The following OR6A2 variants were observed in gnomAD, a reference collection of about 807,000 sequenced individuals.
OR6A2 encodes the protein olfactory receptor family 6 subfamily A member 2.
A neutral mutation model predicts 7.1 loss-of-function variants in OR6A2; 6 were observed. The observed-to-expected ratio is 0.85, with a 90% CI of 0.46 to 1.68. The LOEUF (loss-of-function observed/expected upper bound fraction) is 1.68. OR6A2 is among the 40% of genes most tolerant of loss of function. The probability of loss-of-function intolerance (pLI) is 0.01; values close to 1 mark genes in which losing one functional copy is unlikely to be tolerated. For synonymous variants in OR6A2, 162 were observed against 152.1 expected, an observed-to-expected ratio of 1.06 and a Z score of -0.48; for missense variants, 431 against 398.0, an observed-to-expected ratio of 1.08 and a Z score of -0.71.
chr11:6,798,289 T>C (rs1847767426), intron 1 of OR6A2, among the ~76,000 whole-genome samples: 1 of 152,182 alleles, frequency 6.6e-6, no homozygotes, highest in East Asian at 1.9e-4. Flanking sequence ...GGAAGTTTCC[T>C]AGATATTCTG....
rs1157893893 is a variant in OR6A2 at position 6,795,863 on chromosome 11, T to G, written c.-155A>C. The G allele has an allele frequency of 4.8e-6, 3 of 626,674 alleles. No individual in the cohort carries two copies. Among genetic ancestry groups the G allele is most frequent in the Non-Finnish European group, 8.4e-6 (3 of 355,790 alleles). 38.8% of individuals were successfully genotyped at this position (626,674 alleles called of 1,614,324 possible). A position where few individuals can be genotyped will look rare whatever the true frequency, so the allele number is the denominator to read the frequency against. On this transcript the variant is annotated 5_prime_UTR_variant, in exon 2 of 2. Coordinates refer to ENST00000641196, the MANE Select transcript of OR6A2 (RefSeq NM_003696.3). Reference sequence around the variant, plus strand: ...AATCACTGAGCTGAGGCCACTGCTCTCTTCTTTAATCTGGAAATGAGCTAA... The same window carrying G: ...AATCACTGAGCTGAGGCCACTGCTCGCTTCTTTAATCTGGAAATGAGCTAA...
At chr11:6,796,481 GA>G (rs1847750415) in intron 1 of OR6A2, among the ~76,000 whole-genome samples, 1 of 152,140 alleles carries the variant, frequency 6.6e-6, no homozygotes, top group Non-Finnish European at 1.5e-5. Flanking sequence ...CAGGAGGAAA[GA>G]AAGACAAAAG....
rs1382751386 is a variant in OR6A2, at chr11:6,793,217, T to C, written c.*1508A>G. On this transcript the variant is annotated 3_prime_UTR_variant, in exon 2 of 2. Coordinates refer to ENST00000641196, the MANE Select transcript of OR6A2 (RefSeq NM_003696.3). ...TTATTACAACAAGATACTTATACTG[T>C]TTAGGCACAAATAGATATGCACATT... 1 of 152,186 alleles carries C rather than the reference T, an allele frequency of 6.6e-6. No individual in the cohort carries two copies. Among genetic ancestry groups the C allele is most frequent in the Non-Finnish European group, 1.5e-5 (1 of 68,024 alleles). The allele number at this position is 152,186 out of a possible 1,614,324, so 9.4% of individuals were successfully genotyped here.
At position 6,791,917 on chromosome 11, in the gene OR6A2, T is replaced by C. The variant is rs924684522; in HGVS notation, c.*2808A>G. The stretch of plus-strand genomic sequence containing the variant: ...TACTTGTCAAAATAAGAAACCAAAA[T>C]TGATACATCACTGTTAAACTATTCA... On this transcript the variant is annotated 3_prime_UTR_variant, in exon 2 of 2. Transcript: ENST00000641196. 6.6e-6 allele frequency: 1 copy of C among 152,212 alleles called. No homozygotes were observed. Among genetic ancestry groups the C allele is most frequent in the African/African-American group, 2.4e-5 (1 of 41,464 alleles). The allele number at this position is 152,212 out of a possible 1,614,324, so 9.4% of individuals were successfully genotyped here.
intron 1 of OR6A2, among the ~76,000 whole-genome samples, 170 bp downstream of exon 1, chr11:6,799,374 A>T (rs1037479611): frequency 6.6e-6 from 1 of 152,222 alleles, no homozygotes; most frequent in African/African-American, 2.4e-5. Flanking sequence ...AAAGAAAGTG[A>T]TATTAGTCTA....
Position 6,795,231 on chromosome 11 carries a change from T to C in OR6A2, c.478A>G (p.Ile160Val), listed in dbSNP as rs762084268. Residue 160 changes from isoleucine to valine, a missense_variant, in exon 2 of 2, where the codon ATC (isoleucine) becomes GTC (valine). Physicochemically the swap from Ile to Val is conservative, Grantham distance 29 (BLOSUM62 3). Transcript: ENST00000641196. ...ATAAGAAAAACTTTGACCATGGAGA[T>C]GCCAAAACCTCCAGCCCAAGAGCCA... The part of the protein sequence containing the change: ...AAGSWAGGFG[I>V]SMVKVFLISG... 8 of 1,613,984 alleles carry C rather than the reference T, an allele frequency of 5.0e-6. No homozygotes were observed. In the East Asian group the frequency reaches 8.9e-5, roughly 18 times the overall value.
At position 6,795,077 on chromosome 11, in the gene OR6A2, A is replaced by G. The variant is rs773397531; in HGVS notation, c.632T>C (p.Ile211Thr). ...AGTGACAGAGAGTGGCCCTAGAAGA[A>G]TAAAAATGGCCAGGATGAAATCTGT... is the stretch of plus-strand genomic sequence containing the variant. ...ELTDFILAIF[I>T]LLGPLSVTGA... Residue 211 changes from isoleucine to threonine, a missense_variant, in exon 2 of 2, where the codon ATT becomes ACT. By Grantham distance (89) the Ile-to-Thr change is moderately conservative (BLOSUM62 -1). Transcript: ENST00000641196. The G allele has an allele frequency of 1.4e-4, 225 of 1,614,036 alleles. No individual in the cohort carries two copies. Among genetic ancestry groups the G allele is most frequent in the Non-Finnish European group, 1.9e-4 (220 of 1,180,016 alleles).
In OR6A2 at chr11:6,794,673, A is replaced by C; in HGVS notation, c.*52T>G. The C allele has an allele frequency of 1.9e-6, 3 of 1,581,462 alleles. No homozygotes were observed. In the East Asian group the frequency reaches 6.7e-5, roughly 35 times the overall value. On this transcript the variant is annotated 3_prime_UTR_variant, in exon 2 of 2. Coordinates refer to ENST00000641196, the MANE Select transcript of OR6A2 (RefSeq NM_003696.3). ...CTAAGAACTCCACTGGACTTCATAG[A>C]ACACATTGATCCCAAGTTTAATAGC...
intron 1 of OR6A2, among the ~76,000 whole-genome samples, chr11:6,796,907 G>A (rs560359673): frequency 6.6e-6 from 1 of 152,240 alleles, no homozygotes; most frequent in South Asian, 2.1e-4. Flanking sequence ...GTTTAGAAAG[G>A]AGAATGGGGT....
intron 1 of OR6A2, 24 bp from the exon 2 acceptor site, chr11:6,795,908 A>T: frequency 3.8e-6 from 2 of 520,720 alleles, no homozygotes; most frequent in African/African-American, 1.9e-5. Flanking sequence ...ACAAAAATAA[A>T]TGTTTTTTTT....
chr11:6,794,299 G>C lies in OR6A2; in HGVS notation c.*426C>G, dbSNP rs918387034. ...CCTAGAAACCATTATGTTTTGATAG[G>C]TGATATGTTCCCAAAACAAAAATTC... On this transcript the variant is annotated 3_prime_UTR_variant, in exon 2 of 2. Transcript: ENST00000641196. The C allele has an allele frequency of 3.6e-5, 6 of 166,642 alleles. No individual in the cohort carries two copies. The highest frequency in any genetic ancestry group is 3.3e-4 in the Admixed American group (6 of 18,142). The allele number at this position is 166,642 out of a possible 1,614,324, so 10.3% of individuals were successfully genotyped here. A position where few individuals can be genotyped will look rare whatever the true frequency, so the allele number is the denominator to read the frequency against.
At position 6,795,538 on chromosome 11, in the gene OR6A2, G is replaced by A. The variant is rs937687873; in HGVS notation, c.171C>T (p.His57=). 8.1e-6 allele frequency: 13 copies of A among 1,613,994 alleles called. No homozygotes were observed. The Admixed American group carries it at 1.2e-4, about 14-fold the overall frequency. The change falls in exon 2 of 2, where the codon CAC becomes CAT. Residue 57 remains histidine (H), a synonymous_variant. Transcript: ENST00000641196. ...IMAIRNHSTL[H]KPMYFFLANM... The stretch of plus-strand genomic sequence containing the variant: ...TAGCTAGAAAAAAGTACATGGGTTT[G>A]TGGAGGGTAGAATGGTTCCTAATTG...
chr11:6,795,545 G>C lies in OR6A2; in HGVS notation c.164C>G (p.Thr55Ser). ...LIIMAIRNHS[T>S]LHKPMYFFLA... ...AAAAAAGTACATGGGTTTGTGGAGG[G>C]TAGAATGGTTCCTAATTGCCATAAT... The change falls in exon 2 of 2, where the codon ACC becomes AGC. Residue 55 changes from threonine (T) to serine (S), a missense_variant. Transcript: ENST00000641196. 3 of 1,614,056 alleles carry C rather than the reference G, an allele frequency of 1.9e-6. No individual in the cohort carries two copies. The highest frequency in any genetic ancestry group is 2.5e-6 in the Non-Finnish European group (3 of 1,179,986).
At position 6,795,029 on chromosome 11, in the gene OR6A2, G is replaced by C. The variant is rs1013635603; in HGVS notation, c.680C>G (p.Thr227Ser). Reference protein sequence around the residue: ...SVTGASYVAITGAVMHIPSAA... With the variant: ...SVTGASYVAISGAVMHIPSAA... ...CGAAGGAATGTGCATCACAGCACCA[G>C]TAATGGCCACATAGGAGGCCCCAGT... is the stretch of plus-strand genomic sequence containing the variant. The change falls in exon 2 of 2, where the codon ACT (threonine) becomes AGT (serine). Residue 227 changes from threonine (T) to serine (S), a missense_variant. Thr to Ser is a moderately conservative substitution (Grantham distance 58, BLOSUM62 1). Transcript: ENST00000641196. 3.1e-6 allele frequency: 5 copies of C among 1,614,014 alleles called. No individual in the cohort carries two copies. The highest frequency in any genetic ancestry group is 2.7e-5 in the African/African-American group (2 of 74,930).
Position 6,792,849 on chromosome 11 carries a change from A to G in OR6A2, c.*1876T>C, listed in dbSNP as rs1407837504. 1 of 152,180 alleles carries G rather than the reference A, an allele frequency of 6.6e-6. No individual in the cohort carries two copies. Among genetic ancestry groups the G allele is most frequent in the African/African-American group, 2.4e-5 (1 of 41,448 alleles). The allele number at this position is 152,180 out of a possible 1,614,324, so 9.4% of individuals were successfully genotyped here. A position where few individuals can be genotyped will look rare whatever the true frequency, so the allele number is the denominator to read the frequency against. On this transcript the variant is annotated 3_prime_UTR_variant, in exon 2 of 2. Coordinates refer to ENST00000641196, the MANE Select transcript of OR6A2 (RefSeq NM_003696.3). Reference sequence around the variant, plus strand: ...TCAGTCCCCGTCTGGAGAGGTGTCAATCTCACCATAGTACATGGGACTCAA... The same window carrying G: ...TCAGTCCCCGTCTGGAGAGGTGTCAGTCTCACCATAGTACATGGGACTCAA...
Position 6,794,731 on chromosome 11 carries a change from A to G in OR6A2, c.978T>C (p.Asn326=), listed in dbSNP as rs1423477116. The G allele has an allele frequency of 6.2e-7, 1 of 1,613,598 alleles. No individual in the cohort carries two copies. The highest frequency in any genetic ancestry group is 8.5e-7 in the Non-Finnish European group (1 of 1,179,728). Residue 326 remains asparagine (N), a synonymous_variant, in exon 2 of 2, where the codon AAT becomes AAC. Transcript: ENST00000641196. ...QDPDPKKASR[N]V is the part of the protein sequence containing the mutation. ...CAGATTTCACACATCCCTTCTATACATTTCTGCTAGCTTTCTTGGGGTCAG... is the reference window on the plus strand; with the variant it reads ...CAGATTTCACACATCCCTTCTATACGTTTCTGCTAGCTTTCTTGGGGTCAG...
In OR6A2 at chr11:6,792,087, T is replaced by G. The variant is rs887197498; in HGVS notation, c.*2638A>C. 3.3e-5 allele frequency: 5 copies of G among 152,226 alleles called. No homozygotes were observed. Among genetic ancestry groups the G allele is most frequent in the Admixed American group, 3.3e-4 (5 of 15,272 alleles). 9.4% of individuals were successfully genotyped at this position (152,226 alleles called of 1,614,324 possible). On this transcript the variant is annotated 3_prime_UTR_variant, in exon 2 of 2. Transcript: ENST00000641196. ...CTGATATTTCTCAGTCTTTACTTGT[T>G]CATAACTGTAAGGGTTTTTTAATGA...
intron 1 of OR6A2, among the ~76,000 whole-genome samples, chr11:6,798,252 T>C (rs566476352): frequency 6.2e-4 from 95 of 152,200 alleles, no homozygotes; most frequent in Non-Finnish European, 1.1e-3. Flanking sequence ...GCATTAGCTT[T>C]CATACAGTCG....
Position 6,794,493 on chromosome 11 carries a change from G to A in OR6A2, c.*232C>T, listed in dbSNP as rs1369508020. On this transcript the variant is annotated 3_prime_UTR_variant, in exon 2 of 2. Transcript: ENST00000641196. ...GCAAATTACAAAGGGACAGACAATA[G>A]TGGACCCAGCTCTATCCTGTATTTT... 1.5e-5 allele frequency: 8 copies of A among 522,552 alleles called. No individual in the cohort carries two copies. The highest frequency in any genetic ancestry group is 2.0e-5 in the Non-Finnish European group (6 of 298,152). The allele number at this position is 522,552 out of a possible 1,614,324, so 32.4% of individuals were successfully genotyped here.
Sources: allele counts gnomAD v4.1 joint callset (sites outside exome capture counted in the v4.1 genomes callset), GRCh38; gene constraint gnomAD v4.1.1; transcripts MANE v1.5; gene names NCBI Gene and HGNC (gene_info 2026-07-23, HGNC 2026-07-21).